The following STK38L variants were observed in gnomAD, a reference collection of about 807,000 sequenced individuals.
STK38L encodes serine/threonine kinase 38 like, also known as serine/threonine-protein kinase 38-like.
A neutral mutation model predicts 59.7 loss-of-function variants in STK38L; 28 were observed. The observed-to-expected ratio is 0.47, with a 90% confidence interval of 0.35 to 0.64. STK38L has a LOEUF of 0.64. Ranked by LOEUF, STK38L falls within the 30% of genes least tolerant of loss-of-function variation. The probability of loss-of-function intolerance (pLI) is 0.01; values close to 1 mark genes in which losing one functional copy is unlikely to be tolerated. For synonymous variants in STK38L, 162 were observed against 176.8 expected (o/e 0.92, Z 0.66); for missense variants, 314 against 555.8 (o/e 0.56, Z 4.37).
At chr12:27,271,890 G>A (rs553155744) in intron 1 of STK38L, among the ~76,000 whole-genome samples, 2 of 152,232 alleles carry the variant, frequency 1.3e-5, no homozygotes, top group South Asian at 2.1e-4. Flanking sequence ...AGTAGAGACA[G>A]GGTTTCACCA....
chr12:27,261,692 T>C (rs1198378622), intron 1 of STK38L, among the ~76,000 whole-genome samples: 1 of 152,220 alleles, frequency 6.6e-6, no homozygotes, highest in Non-Finnish European at 1.5e-5. Context: ...AAGCTCAAGA[T>C]CCATCACCAT....
intron 6 of STK38L, 76 bp downstream of exon 6, chr12:27,312,748 G>T (rs1031739852): frequency 1.3e-6 from 2 of 1,550,240 alleles, no homozygotes; most frequent in African/African-American, 1.4e-5. Context: ...TATTGGTGAG[G>T]TTTACTTTTA....
chr12:27,268,635 GTAATGGGATTGC>G (rs1943352277), intron 1 of STK38L, among the ~76,000 whole-genome samples: 1 of 152,196 alleles, frequency 6.6e-6, no homozygotes, highest in African/African-American at 2.4e-5. Flanking sequence ...TATATACCCA[GTAATGGGATTGC>G]TGGGTCAAAT....
At chr12:27,297,480 T>C (rs963849418) in intron 1 of STK38L, among the ~76,000 whole-genome samples, 1 of 152,254 alleles carries the variant, frequency 6.6e-6, no homozygotes, top group Non-Finnish European at 1.5e-5. Flanking sequence ...TGGTTCTTCT[T>C]TGCTGTCATT....
At chr12:27,319,637 T>C (rs1000349635) in intron 12 of STK38L, among the ~76,000 whole-genome samples, 3 of 152,222 alleles carry the variant, frequency 2.0e-5, no homozygotes, top group African/African-American at 7.2e-5. Context: ...GGGAAGAACA[T>C]TGGGAAGCTG....
intron 1 of STK38L, among the ~76,000 whole-genome samples, chr12:27,295,129 T>G (rs1943985288): frequency 6.6e-6 from 1 of 152,234 alleles, no homozygotes; most frequent in Non-Finnish European, 1.5e-5. Flanking sequence ...AAAAATCACT[T>G]GGCCATGATA....
At chr12:27,265,717 T>C (rs1943288842) in intron 1 of STK38L, among the ~76,000 whole-genome samples, 1 of 152,228 alleles carries the variant, frequency 6.6e-6, no homozygotes, top group South Asian at 2.1e-4. Flanking sequence ...AGTTTGGCTG[T>C]AATGAAAGTA....
In STK38L at chr12:27,268,487, A is replaced by G. The variant is rs145645498; in HGVS notation, c.-12+24155A>G. The stretch of plus-strand genomic sequence containing the variant: ...GGCTGCACAGTATTCCATGGTGTAT[A>G]TGTGCCACATTTTCTTAATCCAGTC... On this transcript the variant is annotated intron_variant, in intron 1 of 13. Transcript: ENST00000389032. 9.8e-3 allele frequency among the ~76,000 whole-genome samples: 1,497 copies of G among 152,266 alleles called. 28 individuals are homozygous for G. The highest frequency in any genetic ancestry group is 0.034 in the African/African-American group (1,421 of 41,536).
intron 1 of STK38L, among the ~76,000 whole-genome samples, chr12:27,262,619 C>G (rs1261361429): frequency 6.6e-6 from 1 of 151,046 alleles, no homozygotes; most frequent in East Asian, 1.9e-4. Context: ...GTGGAAGGAT[C>G]ACTCGAGGCC....
intron 2 of STK38L, 173 bp downstream of exon 2, chr12:27,298,027 T>C (rs926377132): frequency 4.4e-5 from 32 of 733,954 alleles, no homozygotes; most frequent in South Asian, 7.3e-5. Context: ...CACAGAGTAG[T>C]TTCCTGAGGT....
intron 1 of STK38L, among the ~76,000 whole-genome samples, chr12:27,275,035 G>A (rs1943503640): frequency 6.6e-6 from 1 of 152,040 alleles, no homozygotes; most frequent in African/African-American, 2.4e-5. Context: ...AATCTAAATT[G>A]TAAATTGGAC....
At chr12:27,249,794 G>T (rs955766414) in intron 1 of STK38L, among the ~76,000 whole-genome samples, 1 of 152,162 alleles carries the variant, frequency 6.6e-6, no homozygotes, top group African/African-American at 2.4e-5. Flanking sequence ...CACAGGTATA[G>T]AATTTCTACA....
chr12:27,263,657 A>C (rs1336786912), intron 1 of STK38L, among the ~76,000 whole-genome samples: 7 of 152,194 alleles, frequency 4.6e-5, no homozygotes, highest in Admixed American at 4.6e-4. Flanking sequence ...CATGTTAAAG[A>C]GAGGCTGGAA....
chr12:27,255,414 A>G (rs1395749666), intron 1 of STK38L, among the ~76,000 whole-genome samples: 1 of 152,234 alleles, frequency 6.6e-6, no homozygotes, highest in African/African-American at 2.4e-5. Context: ...TGGACTGACA[A>G]AGCCAAAAAC....
Position 27,308,686 on chromosome 12 carries a change from G to A in STK38L, c.309+225G>A, listed in dbSNP as rs1171429448. On this transcript the variant is annotated intron_variant, in intron 4 of 13. Coordinates refer to ENST00000389032, the MANE Select transcript of STK38L (RefSeq NM_015000.4). The surrounding 1 kb of genome is among the most constrained non-coding windows in gnomAD (Gnocchi z 4.5). ...ATACAAAAATTAGCTGGGCGTGGTGGTGGGCACCTGTAATCCCAGCTACTT... is the reference window on the plus strand; with the variant it reads ...ATACAAAAATTAGCTGGGCGTGGTGATGGGCACCTGTAATCCCAGCTACTT... 6.6e-6 allele frequency among the ~76,000 whole-genome samples: 1 copy of A among 151,706 alleles called. No individual in the cohort carries two copies. The highest frequency in any genetic ancestry group is 2.1e-4 in the South Asian group (1 of 4,824).
At position 27,308,376 on chromosome 12, in the gene STK38L, CAG is replaced by C; in HGVS notation, c.227_228del (p.Glu76ValfsTer13). 1 of 1,595,336 alleles carries C rather than the reference CAG, an allele frequency of 6.3e-7. No homozygotes were observed. The highest frequency in any genetic ancestry group is 8.6e-7 in the Non-Finnish European group (1 of 1,169,458). Reference sequence around the variant, plus strand: ...CGATCACAACACGCTCGCAAAGAAACAGAGTTCTTACGGCTCAAAAGGACCAG... The same window carrying C: ...CGATCACAACACGCTCGCAAAGAAACAGTTCTTACGGCTCAAAAGGACCAG... On this transcript the variant is annotated frameshift_variant, in exon 4 of 14. Transcript: ENST00000389032. LOFTEE classifies it high-confidence loss of function. The surrounding 1 kb of genome is among the most constrained non-coding windows in gnomAD (Gnocchi z 4.5).
Position 27,322,615 on chromosome 12 carries a change from G to A in STK38L, c.*160G>A, listed in dbSNP as rs1944758088. On this transcript the variant is annotated 3_prime_UTR_variant, in exon 14 of 14. Coordinates refer to ENST00000389032, the MANE Select transcript of STK38L (RefSeq NM_015000.4). Reference sequence around the variant, plus strand: ...GATTAGGATTTCTAAGACTACTATAGGAATTGGTTGGCAGTGCCAGCTGGC... The same window carrying A: ...GATTAGGATTTCTAAGACTACTATAAGAATTGGTTGGCAGTGCCAGCTGGC... 3 of 977,462 alleles carry A rather than the reference G, an allele frequency of 3.1e-6. No individual in the cohort carries two copies. Among genetic ancestry groups the A allele is most frequent in the East Asian group, 2.9e-5 (1 of 34,292 alleles). The allele number at this position is 977,462 out of a possible 1,614,324, so 60.5% of individuals were successfully genotyped here.
At chr12:27,247,814 A>ATTTTT (rs11448972) in intron 1 of STK38L, among the ~76,000 whole-genome samples, 1 of 126,598 alleles carries the variant, frequency 7.9e-6, no homozygotes, top group African/African-American at 3.0e-5. Context: ...TTGTTCTGTA[A>ATTTTT]TTTTTTTTTT....
chr12:27,274,251 GC>G (rs1468736015), intron 1 of STK38L, among the ~76,000 whole-genome samples: 1 of 132,232 alleles, frequency 7.6e-6, no homozygotes, highest in African/African-American at 2.7e-5. Flanking sequence ...AAAAAAAATT[GC>G]CCTTTTTGGA....
Sources: gnomAD v4.1 joint callset for allele counts (sites outside exome capture counted in the v4.1 genomes callset) on GRCh38, gnomAD v4.1.1 for gene constraint, Gnocchi (gnomAD v3.1) non-coding constraint, MANE v1.5 for transcripts, NCBI Gene and HGNC (gene_info 2026-07-23, HGNC 2026-07-21) for gene names.